Variants in METTL24 observed in about 807,000 individuals in gnomAD.
METTL24 encodes the protein methyltransferase like 24.
In METTL24, 29 loss-of-function variants were observed where a neutral mutation model predicts 32.7. That is an observed-to-expected ratio of 0.89 (90% CI 0.66 to 1.21). METTL24 has a LOEUF of 1.21. Ranked by LOEUF, METTL24 falls within the 50% of genes most tolerant of loss-of-function variation. The pLI, the probability that METTL24 is intolerant of heterozygous loss-of-function variation, is 0.00. For missense variants in METTL24, 439 were observed against 468.1 expected (o/e 0.94, Z 0.57); for synonymous variants, 163 against 179.5 (o/e 0.91, Z 0.73).
At chr6:110,277,221 G>A (rs970738237) in intron 4 of METTL24, among the ~76,000 whole-genome samples, 3 of 152,054 alleles carry the variant, frequency 2.0e-5, no homozygotes, top group South Asian at 2.1e-4. Flanking sequence ...CATGAGATTC[G>A]TTGCTATCCC....
chr6:110,306,908 A>G (rs935251943), intron 3 of METTL24, among the ~76,000 whole-genome samples: 1 of 152,190 alleles, frequency 6.6e-6, no homozygotes, highest in Admixed American at 6.5e-5. Flanking sequence ...TGGAAGGAAT[A>G]TTTGTGATCT....
rs1772743786 is a variant in METTL24 at position 110,358,295 on chromosome 6, G to T, written c.-23C>A. Reference sequence around the variant, plus strand: ...CATGGCGCTACACTCGGGGTCCCGCGGGCCGCGCCTGGCCGGCAGCAGGGA... The same window carrying T: ...CATGGCGCTACACTCGGGGTCCCGCTGGCCGCGCCTGGCCGGCAGCAGGGA... On this transcript the variant is annotated 5_prime_UTR_variant, in exon 1 of 5. Coordinates refer to ENST00000338882, the MANE Select transcript of METTL24 (RefSeq NM_001123364.3). 7.0e-7 allele frequency: 1 copy of T among 1,430,592 alleles called. No individual in the cohort carries two copies. The highest frequency in any genetic ancestry group is 1.4e-5 in the South Asian group (1 of 70,990). The allele number at this position is 1,430,592 out of a possible 1,614,324, so 88.6% of individuals were successfully genotyped here. A position where few individuals can be genotyped will look rare whatever the true frequency, so the allele number is the denominator to read the frequency against.
chr6:110,330,559 T>C (rs1053175367), intron 1 of METTL24, among the ~76,000 whole-genome samples: 4 of 152,116 alleles, frequency 2.6e-5, no homozygotes, highest in Non-Finnish European at 5.9e-5. Flanking sequence ...TGTGTGGATC[T>C]GATCCTGCCT....
chr6:110,281,544 G>A lies in METTL24; in HGVS notation c.786+17378C>T, dbSNP rs189756558. Among the ~76,000 whole-genome samples, 18 of 152,066 alleles carry A rather than the reference G, an allele frequency of 1.2e-4. No individual in the cohort carries two copies. In the East Asian group the frequency reaches 3.5e-3, roughly 30 times the overall value. Reference sequence around the variant, plus strand: ...TAATCCCAGCCACTAAGGAGGCTGAGGTTGAACCCAGGAGGTAGAGGTTGA... The same window carrying A: ...TAATCCCAGCCACTAAGGAGGCTGAAGTTGAACCCAGGAGGTAGAGGTTGA... On this transcript the variant is annotated intron_variant, in intron 4 of 4. Coordinates refer to ENST00000338882, the MANE Select transcript of METTL24 (RefSeq NM_001123364.3).
rs1304584361 is a variant in METTL24 at position 110,245,875 on chromosome 6, C to T, written c.*71G>A. 1 of 1,449,886 alleles carries T rather than the reference C, an allele frequency of 6.9e-7. No individual in the cohort carries two copies. Among genetic ancestry groups the T allele is most frequent in the Non-Finnish European group, 9.4e-7 (1 of 1,067,006 alleles). 89.8% of individuals were successfully genotyped at this position (1,449,886 alleles called of 1,614,324 possible). On this transcript the variant is annotated 3_prime_UTR_variant, in exon 5 of 5. Transcript: ENST00000338882. ...GCTAGCAGGAGACTGGATGAGTAAA[C>T]TCATGATTAGAATTATGGACATGCT...
At chr6:110,337,662 C>A (rs1028682066) in intron 1 of METTL24, among the ~76,000 whole-genome samples, 1 of 152,164 alleles carries the variant, frequency 6.6e-6, no homozygotes, top group Non-Finnish European at 1.5e-5. Context: ...AAGGAAATTC[C>A]AGTTACAAAA....
At chr6:110,275,459 T>C (rs1771031621) in intron 4 of METTL24, among the ~76,000 whole-genome samples, 1 of 152,152 alleles carries the variant, frequency 6.6e-6, no homozygotes, top group Non-Finnish European at 1.5e-5. Context: ...TAAATTCCTA[T>C]TCAACTTCCA....
chr6:110,333,373 G>T (rs567338351), intron 1 of METTL24, among the ~76,000 whole-genome samples: 1 of 152,126 alleles, frequency 6.6e-6, no homozygotes, highest in African/African-American at 2.4e-5. Context: ...TTGAAATTTT[G>T]TCTGTCGATA....
rs1255050152 is a variant in METTL24, at chr6:110,357,071, C to T, written c.318+884G>A. Among the ~76,000 whole-genome samples the T allele has an allele frequency of 2.6e-5, 4 of 152,100 alleles. No individual in the cohort carries two copies. In the East Asian group the frequency reaches 7.7e-4, roughly 29 times the overall value. On this transcript the variant is annotated intron_variant, in intron 1 of 4. Transcript: ENST00000338882. ...ATGTCTAAAAGAAACGAGGAACAGC[C>T]GGGCAACGGAAAGTAGTTGCTTTGG...
chr6:110,315,445 T>TACAC lies in METTL24; in HGVS notation c.453_454insGTGT (p.Thr152ValfsTer3). ...GGCTTGTGTGTAGGACTAGAGTCAG[T>TACAC]AGCCAGGCTGTCTGTATTCATGTGA... On this transcript the variant is annotated frameshift_variant, in exon 3 of 5. Transcript: ENST00000338882. LOFTEE classifies it high-confidence loss of function. 1 of 1,614,120 alleles carries TACAC rather than the reference T, an allele frequency of 6.2e-7. No homozygotes were observed. Among genetic ancestry groups the TACAC allele is most frequent in the Non-Finnish European group, 8.5e-7 (1 of 1,179,990 alleles).
chr6:110,272,434 G>A (rs1770974740), intron 4 of METTL24, among the ~76,000 whole-genome samples: 1 of 152,178 alleles, frequency 6.6e-6, no homozygotes, highest in South Asian at 2.1e-4. Context: ...ATAAATGTGT[G>A]TGCATGTGTC....
chr6:110,253,848 G>T, intron 4 of METTL24: 1 of 1,394,718 alleles, frequency 7.2e-7, no homozygotes, highest in Non-Finnish European at 9.4e-7. Context: ...ATATTTCCAT[G>T]TCAATAAATT....
intron 2 of METTL24, among the ~76,000 whole-genome samples, chr6:110,319,606 G>T (rs556997527): frequency 6.6e-6 from 1 of 152,100 alleles, no homozygotes; most frequent in Admixed American, 6.5e-5. Context: ...TGAATCTGGA[G>T]ACTTCCCTTA....
At chr6:110,339,823 A>T (rs1772316869) in intron 1 of METTL24, among the ~76,000 whole-genome samples, 1 of 152,164 alleles carries the variant, frequency 6.6e-6, no homozygotes, top group Admixed American at 6.5e-5. Flanking sequence ...CAATTAAACG[A>T]TTGTAGAGAT....
intron 4 of METTL24, among the ~76,000 whole-genome samples, chr6:110,258,494 G>A (rs925664858): frequency 2.0e-5 from 3 of 152,036 alleles, no homozygotes; most frequent in African/African-American, 7.2e-5. Flanking sequence ...CTTGGCAGGT[G>A]CTCAAAAATA....
chr6:110,329,335 T>C (rs1196254311), intron 1 of METTL24, among the ~76,000 whole-genome samples: 1 of 152,222 alleles, frequency 6.6e-6, no homozygotes. Context: ...TGAGTGTGTG[T>C]TGATGTGTTG....
intron 4 of METTL24, among the ~76,000 whole-genome samples, chr6:110,265,181 GAAAGAAAGAAAGAAA>G (rs1770832619): frequency 7.4e-6 from 1 of 135,822 alleles, no homozygotes; most frequent in Admixed American, 7.3e-5. Flanking sequence ...AAGAAAGAAA[GAAAGAAAGAAAGAAA>G]GAAAGTTAAT....
At chr6:110,306,167 G>A (rs999626797) in intron 3 of METTL24, among the ~76,000 whole-genome samples, 3 of 150,740 alleles carry the variant, frequency 2.0e-5, no homozygotes, top group Non-Finnish European at 4.4e-5. Flanking sequence ...GGGGTGGGGG[G>A]CAAGGGGAGG....
intron 3 of METTL24, among the ~76,000 whole-genome samples, chr6:110,308,368 G>T (rs571248720): frequency 6.6e-6 from 1 of 152,092 alleles, no homozygotes; most frequent in Non-Finnish European, 1.5e-5. Flanking sequence ...AAGTGAGTGG[G>T]CTTTGATGTT....
Sources: allele counts gnomAD v4.1 joint callset (sites outside exome capture counted in the v4.1 genomes callset), GRCh38; gene constraint gnomAD v4.1.1; transcripts MANE v1.5; gene names NCBI Gene and HGNC (gene_info 2026-07-23, HGNC 2026-07-21).